Variants in PIP5K1C observed in about 807,000 individuals in gnomAD.
PIP5K1C encodes the protein phosphatidylinositol-4-phosphate 5-kinase type 1 gamma.
Under a neutral mutation model 80.1 loss-of-function variants are expected in PIP5K1C, and 45 were observed. The observed-to-expected ratio is 0.56, with a 90% CI of 0.44 to 0.72. PIP5K1C has a LOEUF of 0.72. Among genes scored for constraint, PIP5K1C ranks in the 30% least tolerant of loss-of-function variants. The pLI is 0.00. For missense variants in PIP5K1C, 753 were observed against 954.6 expected (o/e 0.79, Z 2.78); for synonymous variants, 498 against 420.1 (o/e 1.19, Z -2.27).
rs552039018 is a variant in PIP5K1C, at chr19:3,688,584, C to A, written c.94+11713G>T. On this transcript the variant is annotated intron_variant, in intron 1 of 17. Transcript: ENST00000335312. The surrounding 1 kb of genome is among the most constrained non-coding windows in gnomAD (Gnocchi z 5.3). ...CACTGAGAGCCGCGTGTGTTTTTTG[C>A]GGTTTTGCTGGTGATTCTGCTGCTG... 6.6e-6 allele frequency among the ~76,000 whole-genome samples: 1 copy of A among 151,862 alleles called. No homozygotes were observed. The highest frequency in any genetic ancestry group is 1.5e-5 in the Non-Finnish European group (1 of 67,988).
At chr19:3,659,070 C>G (rs2034740610) in intron 5 of PIP5K1C, among the ~76,000 whole-genome samples, 1 of 152,176 alleles carries the variant, frequency 6.6e-6, no homozygotes, top group Non-Finnish European at 1.5e-5. Flanking sequence ...CTTCCTGGAG[C>G]TACCCCCCTT....
rs1311220193 is a variant in PIP5K1C at position 3,696,475 on chromosome 19, G to C, written c.94+3822C>G. On this transcript the variant is annotated intron_variant, in intron 1 of 17. Transcript: ENST00000335312. This position sits in a 1 kb window ranked among gnomAD's most constrained non-coding sequence, Gnocchi z 4.1. ...TCAGGGAAGAGGAACCGGGAGGGCAGGGGACGGAGAAGGGGAGACCGCTGT... is the reference window on the plus strand; with the variant it reads ...TCAGGGAAGAGGAACCGGGAGGGCACGGGACGGAGAAGGGGAGACCGCTGT... Among the ~76,000 whole-genome samples, 1 of 152,170 alleles carries C rather than the reference G, an allele frequency of 6.6e-6. No homozygotes were observed. Among genetic ancestry groups the C allele is most frequent in the Non-Finnish European group, 1.5e-5 (1 of 68,026 alleles).
intron 11 of PIP5K1C, among the ~76,000 whole-genome samples, chr19:3,645,560 C>T (rs1026302742): frequency 1.3e-5 from 2 of 152,246 alleles, no homozygotes; most frequent in Admixed American, 6.5e-5. Flanking sequence ...GTTCCCCTGC[C>T]CGGGGTGCGT....
intron 14 of PIP5K1C, among the ~76,000 whole-genome samples, chr19:3,642,636 C>T (rs1188429406): frequency 3.9e-5 from 6 of 152,074 alleles, no homozygotes; most frequent in Admixed American, 3.9e-4. Context: ...CACGATATTC[C>T]CTCTTGTATC....
intron 16 of PIP5K1C, among the ~76,000 whole-genome samples, chr19:3,633,741 G>A (rs1012572437): frequency 5.3e-5 from 8 of 152,182 alleles, no homozygotes; most frequent in African/African-American, 1.2e-4. Context: ...GGCGGGGCAC[G>A]GCGGGCGGCA....
At chr19:3,663,991 G>A (rs1416642409) in intron 3 of PIP5K1C, among the ~76,000 whole-genome samples, 1 of 152,192 alleles carries the variant, frequency 6.6e-6, no homozygotes, top group Non-Finnish European at 1.5e-5. Context: ...CGCAGCAAAG[G>A]ACAAGTGCAG....
In PIP5K1C at chr19:3,667,384, G is replaced by A. The variant is rs758560094; in HGVS notation, c.95-31C>T. ...GAAGAGACAAGCTGGGTATCAGACAGGAAACCGGTGACCTCTGGGAGTCCT... is the reference window on the plus strand; with the variant it reads ...GAAGAGACAAGCTGGGTATCAGACAAGAAACCGGTGACCTCTGGGAGTCCT... On this transcript the variant is annotated intron_variant, in intron 1 of 17. Coordinates refer to ENST00000335312, the MANE Select transcript of PIP5K1C (RefSeq NM_012398.3). 40 of 1,612,464 alleles carry A rather than the reference G, an allele frequency of 2.5e-5. No homozygotes were observed. In the South Asian group the frequency reaches 4.2e-4, roughly 17 times the overall value.
At chr19:3,681,733 C>T (rs2035595405) in intron 1 of PIP5K1C, among the ~76,000 whole-genome samples, 1 of 152,072 alleles carries the variant, frequency 6.6e-6, no homozygotes. Flanking sequence ...TCGCTCCAGC[C>T]TGGACTTGAA....
chr19:3,642,263 G>A (rs910216597), intron 14 of PIP5K1C, among the ~76,000 whole-genome samples: 2 of 152,236 alleles, frequency 1.3e-5, no homozygotes, highest in African/African-American at 4.8e-5. Flanking sequence ...ATTAAAACAC[G>A]GTTAAGAAAA....
intron 5 of PIP5K1C, among the ~76,000 whole-genome samples, chr19:3,659,072 A>G (rs1367318124): frequency 6.6e-6 from 1 of 151,662 alleles, no homozygotes; most frequent in Non-Finnish European, 1.5e-5. Context: ...TCCTGGAGCT[A>G]CCCCCCTTAC....
chr19:3,664,112 C>T (rs1217318173), intron 3 of PIP5K1C, among the ~76,000 whole-genome samples: 1 of 152,230 alleles, frequency 6.6e-6, no homozygotes, highest in African/African-American at 2.4e-5. Flanking sequence ...TGAGAGACGC[C>T]AGACACAGAA....
intron 12 of PIP5K1C, 67 bp from the exon 13 acceptor site, chr19:3,643,448 C>T: frequency 6.3e-7 from 1 of 1,595,828 alleles, no homozygotes; most frequent in Non-Finnish European, 8.5e-7. Flanking sequence ...TCGATTCTCC[C>T]TGAGGCTTGG....
At chr19:3,647,068 G>A (rs2034252622) in intron 10 of PIP5K1C, among the ~76,000 whole-genome samples, 1 of 127,692 alleles carries the variant, frequency 7.8e-6, no homozygotes, top group African/African-American at 3.0e-5. Context: ...AGGGAGGAGG[G>A]ATGGGAGGAG....
chr19:3,633,575 G>T, intron 16 of PIP5K1C, 55 bp from the exon 17 acceptor site: 1 of 1,200,882 alleles, frequency 8.3e-7, no homozygotes, highest in Non-Finnish European at 1.1e-6. Context: ...GCGAGGAGGT[G>T]CAAGAGAGGC....
chr19:3,639,163 C>T (rs1476469742), intron 15 of PIP5K1C, 147 bp from the exon 16 acceptor site: 15 of 932,488 alleles, frequency 1.6e-5, no homozygotes, highest in East Asian at 7.8e-5. Context: ...CGCGCTCCTG[C>T]GCTGCCATTT....
At chr19:3,633,559 C>T (rs2033542672) in intron 16 of PIP5K1C, 39 bp from the exon 17 acceptor site, 2 of 1,405,612 alleles carry the variant, frequency 1.4e-6, no homozygotes, top group Non-Finnish European at 1.9e-6. Context: ...CGCGGAAGAG[C>T]AGGGTGCGAG....
rs2033969171 is a variant in PIP5K1C at position 3,641,741 on chromosome 19, C to T, written c.1751G>A (p.Ser584Asn). 3.7e-6 allele frequency: 6 copies of T among 1,611,014 alleles called. No homozygotes were observed. The highest frequency in any genetic ancestry group is 5.1e-6 in the Non-Finnish European group (6 of 1,180,012). The change falls in exon 15 of 18, where the codon AGC becomes AAC. Residue 584 changes from serine (S) to asparagine (N), a missense_variant. Transcript: ENST00000335312. ...QITVQVEPAC[S>N]VEIVVPKEED... ...CTCTTTGGGGACCACAATCTCCACG[C>T]TGCACGCAGGCTCCACCTGCACTGT...
chr19:3,689,518 G>A (rs571981947), intron 1 of PIP5K1C, among the ~76,000 whole-genome samples: 13 of 151,990 alleles, frequency 8.6e-5, no homozygotes, highest in South Asian at 4.2e-4. Flanking sequence ...GTGTGGTGGC[G>A]GGCGCCTGTA....
rs186042046 is a variant in PIP5K1C, at chr19:3,691,465, C to T, written c.94+8832G>A. Among the ~76,000 whole-genome samples, 396 of 152,282 alleles carry T rather than the reference C, an allele frequency of 2.6e-3. 4 individuals are homozygous for T. The highest frequency in any genetic ancestry group is 8.7e-3 in the African/African-American group (360 of 41,550). On this transcript the variant is annotated intron_variant, in intron 1 of 17. Transcript: ENST00000335312. ...CCACGCACCTGATCAAACTCTCACG[C>T]GCCACGCCCAGGTTCCCTGCCCTGA...
Sources: allele counts gnomAD v4.1 joint callset (sites outside exome capture counted in the v4.1 genomes callset), GRCh38; gene constraint gnomAD v4.1.1; non-coding constraint Gnocchi (gnomAD v3.1); transcripts MANE v1.5; gene names NCBI Gene and HGNC (gene_info 2026-07-23, HGNC 2026-07-21).